NIBAN2: variants seen among roughly 807,000 people sequenced by gnomAD.
The protein encoded by NIBAN2 is protein Niban 2.
Under a neutral mutation model 81.8 loss-of-function variants are expected in NIBAN2, and 36 were observed. The observed-to-expected ratio is 0.44, with a 90% CI of 0.34 to 0.58. NIBAN2 has a LOEUF of 0.58. NIBAN2 is among the 20% of genes least tolerant of loss of function. NIBAN2 has a pLI of 0.02. For missense variants in NIBAN2, 897 were observed against 1,014.1 expected, an observed-to-expected ratio of 0.88 and a Z score of 1.57; for synonymous variants, 445 against 441.6, an observed-to-expected ratio of 1.01 and a Z score of -0.10.
chr9:127,554,440 C>A (rs1374632157), intron 1 of NIBAN2, among the ~76,000 whole-genome samples: 2 of 152,206 alleles, frequency 1.3e-5, no homozygotes, highest in Admixed American at 1.3e-4. Context: ...GCTTGCAACC[C>A]CCTTGGGGCT....
At chr9:127,570,936 G>A (rs1198553060), upstream of NIBAN2, among the ~76,000 whole-genome samples, 1 of 152,258 alleles carries the variant, frequency 6.6e-6, no homozygotes, top group Non-Finnish European at 1.5e-5. Context: ...CTGGCCAAAG[G>A]CCAAGTCTCC....
At chr9:127,520,241 T>C in intron 5 of NIBAN2, among the ~76,000 whole-genome samples, 1 of 148,784 alleles carries the variant, frequency 6.7e-6, no homozygotes, top group Non-Finnish European at 1.5e-5. Context: ...TTTTTTTTTT[T>C]TTTTTTTTTT....
chr9:127,543,048 A>G (rs1243268839), intron 1 of NIBAN2, among the ~76,000 whole-genome samples: 1 of 152,194 alleles, frequency 6.6e-6, no homozygotes, highest in African/African-American at 2.4e-5. Context: ...TTAACAAGGA[A>G]AAACCTCTTC....
chr9:127,560,925 C>T (rs1028727853), intron 1 of NIBAN2, among the ~76,000 whole-genome samples: 1 of 152,104 alleles, frequency 6.6e-6, no homozygotes, highest in Non-Finnish European at 1.5e-5. Flanking sequence ...TAGATACTGG[C>T]CTTGAGGTCA....
rs144706217 is a variant in NIBAN2 at position 127,507,266 on chromosome 9, G to C, written c.1820C>G (p.Pro607Arg). The C allele has an allele frequency of 5.6e-4, 893 of 1,604,356 alleles. 3 individuals are homozygous for C. The highest frequency in any genetic ancestry group is 7.1e-4 in the Non-Finnish European group (832 of 1,173,576). The stretch of plus-strand genomic sequence containing the variant: ...CTTTTCCGAGAGGGTGGCTGACTCC[G>C]GGGTGCTGGGGCTGGGGCTGCCGCC... Reference protein sequence around the residue: ...GGGGSPSPSTPESATLSEKRR... With the variant: ...GGGGSPSPSTRESATLSEKRR... Residue 607 changes from proline (P) to arginine (R), a missense_variant, in exon 14 of 14, where the codon CCG (proline) becomes CGG (arginine). Around this residue, in one of 3 missense-constraint regions of NIBAN2, gnomAD observed 619 missense variants for 691.0 expected, o/e 0.90. Transcript: ENST00000373312. The surrounding 1 kb of genome is among the most constrained non-coding windows in gnomAD (Gnocchi z 6.8).
chr9:127,558,355 C>T (rs1031490485), intron 1 of NIBAN2, among the ~76,000 whole-genome samples: 5 of 152,138 alleles, frequency 3.3e-5, no homozygotes, highest in Non-Finnish European at 5.9e-5. Context: ...AGTACGAAGT[C>T]GGAGAGGGAA....
rs1488724470 is a variant in NIBAN2 at position 127,545,778 on chromosome 9, G to C, written c.56-14000C>G. 1.3e-5 allele frequency among the ~76,000 whole-genome samples: 2 copies of C among 152,194 alleles called. No individual in the cohort carries two copies. The highest frequency in any genetic ancestry group is 6.5e-5 in the Admixed American group (1 of 15,282). ...GACCCAAAACCCGCCCACTGGGGCT[G>C]CCCTTTCCTTTACACCTCGAGGCCG... On this transcript the variant is annotated intron_variant, in intron 1 of 13. Coordinates refer to ENST00000373312, the MANE Select transcript of NIBAN2 (RefSeq NM_022833.4). This position sits in a 1 kb window ranked among gnomAD's most constrained non-coding sequence, Gnocchi z 4.7.
chr9:127,549,897 G>A (rs1837544577), intron 1 of NIBAN2, among the ~76,000 whole-genome samples: 1 of 152,116 alleles, frequency 6.6e-6, no homozygotes, highest in East Asian at 1.9e-4. Context: ...AGGGGAGGTG[G>A]GAGAACGGCT....
chr9:127,552,679 TATTC>T (rs1256018861), intron 1 of NIBAN2, among the ~76,000 whole-genome samples: 2 of 146,120 alleles, frequency 1.4e-5, no homozygotes, highest in African/African-American at 5.1e-5. Flanking sequence ...CGTAATGGAA[TATTC>T]GTTTTTTTTT....
chr9:127,575,372 T>C (rs1332341361), intron 1 of NIBAN2, among the ~76,000 whole-genome samples: 1 of 149,392 alleles, frequency 6.7e-6, no homozygotes, highest in African/African-American at 2.5e-5. Context: ...GGATTACAGG[T>C]TCCTGCCACC....
intron 3 of NIBAN2, 99 bp downstream of exon 3, chr9:127,527,095 G>C (rs1474194964): frequency 6.8e-7 from 1 of 1,477,476 alleles, no homozygotes; most frequent in Non-Finnish European, 9.3e-7. Flanking sequence ...CGTGCAGGCT[G>C]TGACGGTGGC....
At chr9:127,550,999 T>C (rs943748611) in intron 1 of NIBAN2, among the ~76,000 whole-genome samples, 1 of 152,190 alleles carries the variant, frequency 6.6e-6, no homozygotes, top group Non-Finnish European at 1.5e-5. Context: ...GCCACTTCCC[T>C]GGGGCACGCA....
intron 1 of NIBAN2, among the ~76,000 whole-genome samples, chr9:127,547,825 G>A (rs568564997): frequency 2.6e-5 from 4 of 152,158 alleles, no homozygotes; most frequent in African/African-American, 7.2e-5. Flanking sequence ...CAACAAGAGC[G>A]AAACTCCACC....
chr9:127,512,983 A>G (rs1253853147), intron 8 of NIBAN2, among the ~76,000 whole-genome samples: 1 of 152,152 alleles, frequency 6.6e-6, no homozygotes, highest in Non-Finnish European at 1.5e-5. Context: ...TCCATAACAG[A>G]CGAATGGATA....
intron 5 of NIBAN2, among the ~76,000 whole-genome samples, chr9:127,518,940 G>A (rs1658072291): frequency 6.6e-6 from 1 of 152,180 alleles, no homozygotes; most frequent in Non-Finnish European, 1.5e-5. Flanking sequence ...TTGGGAGGCT[G>A]AGGTGGGGGA....
At chr9:127,558,282 C>T (rs918669332) in intron 1 of NIBAN2, among the ~76,000 whole-genome samples, 2 of 152,118 alleles carry the variant, frequency 1.3e-5, no homozygotes, top group Non-Finnish European at 2.9e-5. Flanking sequence ...CCCACCCGGC[C>T]CAATCATTCC....
upstream of NIBAN2, among the ~76,000 whole-genome samples, chr9:127,571,423 C>T (rs1044335713): frequency 1.3e-5 from 2 of 152,212 alleles, no homozygotes; most frequent in South Asian, 4.2e-4. Flanking sequence ...GGCGGCCGGG[C>T]GCAATGGCTC....
chr9:127,519,475 G>A (rs1836895778), intron 5 of NIBAN2, among the ~76,000 whole-genome samples: 2 of 152,214 alleles, frequency 1.3e-5, no homozygotes, highest in African/African-American at 4.8e-5. Flanking sequence ...AAGGGGAAAC[G>A]GAAGCCTGTG....
intron 1 of NIBAN2, among the ~76,000 whole-genome samples, chr9:127,552,820 C>G (rs190339513): frequency 7.9e-4 from 119 of 150,530 alleles, no homozygotes; most frequent in Non-Finnish European, 1.6e-3. Context: ...TCCCAAGTAG[C>G]TGAGATTACA....
Sources: allele counts gnomAD v4.1 joint callset (sites outside exome capture counted in the v4.1 genomes callset), GRCh38; gene constraint gnomAD v4.1.1; regional missense constraint gnomAD v4.1.1; non-coding constraint Gnocchi (gnomAD v3.1); transcripts MANE v1.5; gene names NCBI Gene and HGNC (gene_info 2026-07-23, HGNC 2026-07-21).